The following EFCAB13 variants were observed in gnomAD, a reference collection of about 807,000 sequenced individuals.
EFCAB13 encodes EF-hand calcium binding domain 13.
EFCAB13 carries 91 observed loss-of-function variants against 110.2 expected under a neutral mutation model. The ratio of observed to expected loss-of-function variants is 0.83; its 90% CI spans 0.70 to 0.98. The LOEUF is 0.98. EFCAB13 is among the 50% of genes least tolerant of loss of function. EFCAB13 has a pLI of 0.00. For missense variants in EFCAB13, 968 were observed against 1,119.4 expected (o/e 0.86, Z 1.93); for synonymous variants, 323 against 369.9 (o/e 0.87, Z 1.45).
rs774876418 is a variant in EFCAB13, at chr17:47,335,332, G to A, written c.167G>A (p.Ser56Asn). 6.3e-7 allele frequency: 1 copy of A among 1,599,042 alleles called. No individual in the cohort carries two copies. The highest frequency in any genetic ancestry group is 1.8e-5 in the Admixed American group (1 of 56,108). ...AAGGAAATTTCACCGGAAATTAGGA[G>A]TTTGAGCCCAGAATATAAAAAAATG... ...IEKEISPEIR[S>N]LSPEYKKIFE... is the part of the protein sequence containing the mutation. The change falls in exon 5 of 25, where the codon AGT (serine) becomes AAT (asparagine). Residue 56 changes from serine to asparagine, a missense_variant. Coordinates refer to ENST00000331493, the MANE Select transcript of EFCAB13 (RefSeq NM_152347.5).
At position 47,404,545 on chromosome 17, in the gene EFCAB13, C is replaced by A. The variant is rs181970260; in HGVS notation, c.2162-17C>A. On this transcript the variant is annotated splice_polypyrimidine_tract_variant and intron_variant, in intron 19 of 24. Transcript: ENST00000331493. ...GTCTAGGGGTTCTTGTTTGTCATCT[C>A]TCTCTTTTCCTTGCAGAAGATAACA... is the stretch of plus-strand genomic sequence containing the variant. 1 of 1,606,622 alleles carries A rather than the reference C, an allele frequency of 6.2e-7. No individual in the cohort carries two copies. The highest frequency in any genetic ancestry group is 8.5e-7 in the Non-Finnish European group (1 of 1,175,450).
chr17:47,435,931 T>C (rs1281232057), intron 24 of EFCAB13, among the ~76,000 whole-genome samples: 1 of 152,190 alleles, frequency 6.6e-6, no homozygotes, highest in Non-Finnish European at 1.5e-5. Context: ...TTGTCATAGA[T>C]GGCTTTTATT....
chr17:47,424,084 C>T (rs1904835092), intron 23 of EFCAB13, among the ~76,000 whole-genome samples: 3 of 152,190 alleles, frequency 2.0e-5, no homozygotes, highest in Admixed American at 6.5e-5. Flanking sequence ...CCTCTCACCC[C>T]GGTGGATGCG....
intron 6 of EFCAB13, among the ~76,000 whole-genome samples, chr17:47,343,860 C>T (rs2065399631): frequency 1.3e-5 from 2 of 152,080 alleles, no homozygotes; most frequent in Admixed American, 1.3e-4. Flanking sequence ...TTCTTGTTCT[C>T]TCTATACCAT....
At chr17:47,404,504 CT>C in intron 19 of EFCAB13, 57 bp from the exon 20 acceptor site, 1 of 1,302,308 alleles carries the variant, frequency 7.7e-7, no homozygotes. Flanking sequence ...TGATACTAGC[CT>C]TTAAGTATTA....
rs927506324 is a variant in EFCAB13 at position 47,344,914 on chromosome 17, A to G, written c.435-102A>G. 7 of 840,158 alleles carry G rather than the reference A, an allele frequency of 8.3e-6. No homozygotes were observed. The African/African-American group carries it at 8.6e-5, about 10-fold the overall frequency. The allele number at this position is 840,158 out of a possible 1,614,324, so 52.0% of individuals were successfully genotyped here. ...CATAACTTGGACAGTTCTTCAAGAA[A>G]GGTTCTTATGAATCTCAGACTATTG... On this transcript the variant is annotated intron_variant, in intron 7 of 24. Coordinates refer to ENST00000331493, the MANE Select transcript of EFCAB13 (RefSeq NM_152347.5).
intron 24 of EFCAB13, among the ~76,000 whole-genome samples, chr17:47,432,705 G>A (rs1357662028): frequency 6.6e-6 from 1 of 151,848 alleles, no homozygotes; most frequent in Non-Finnish European, 1.5e-5. Flanking sequence ...AGCAACATTG[G>A]CTATCTTTTT....
chr17:47,413,113 C>A (rs1270403079), intron 22 of EFCAB13, among the ~76,000 whole-genome samples, 197 bp downstream of exon 22: 1 of 152,078 alleles, frequency 6.6e-6, no homozygotes, highest in South Asian at 2.1e-4. Flanking sequence ...CATATGGATA[C>A]TATATGTGCT....
intron 8 of EFCAB13, among the ~76,000 whole-genome samples, chr17:47,346,625 A>G (rs896452585): frequency 6.6e-6 from 1 of 152,134 alleles, no homozygotes; most frequent in Non-Finnish European, 1.5e-5. Context: ...GCTTTTTCAT[A>G]GAGAGTTAGT....
At chr17:47,359,141 T>G (rs937531971) in intron 9 of EFCAB13, among the ~76,000 whole-genome samples, 2 of 152,124 alleles carry the variant, frequency 1.3e-5, no homozygotes, top group African/African-American at 4.8e-5. Context: ...GAGACCAGCC[T>G]GGGCAACATG....
Position 47,363,754 on chromosome 17 carries a change from A to T in EFCAB13, c.805+2233A>T, listed in dbSNP as rs116625355. 2.9e-3 allele frequency among the ~76,000 whole-genome samples: 449 copies of T among 152,250 alleles called. 2 individuals are homozygous for T. The highest frequency in any genetic ancestry group is 0.011 in the African/African-American group (437 of 41,552). The stretch of plus-strand genomic sequence containing the variant: ...AATAATCAGACATGACATCTTTTTG[A>T]GTGGGCTTCCACTAGTTTTTGTCAT... On this transcript the variant is annotated intron_variant, in intron 10 of 24. Transcript: ENST00000331493.
chr17:47,350,782 C>T (rs942056873), intron 9 of EFCAB13, among the ~76,000 whole-genome samples: 7 of 151,972 alleles, frequency 4.6e-5, no homozygotes, highest in Admixed American at 1.3e-4. Flanking sequence ...AAAGGGTATT[C>T]GTATTAATGG....
rs138358334 is a variant in EFCAB13 at position 47,350,063 on chromosome 17, C to T, written c.661+2112C>T. On this transcript the variant is annotated intron_variant, in intron 9 of 24. Coordinates refer to ENST00000331493, the MANE Select transcript of EFCAB13 (RefSeq NM_152347.5). ...TGCTGGGATTACAGGTGTGAGCCAC[C>T]GTGCCCGGCCTGATGTTTCTTATTT... 4.9e-4 allele frequency among the ~76,000 whole-genome samples: 75 copies of T among 152,146 alleles called. 1 individual carries two copies. In the East Asian group the frequency reaches 0.011, roughly 22 times the overall value.
At chr17:47,422,541 C>T (rs1247062339) in intron 23 of EFCAB13, among the ~76,000 whole-genome samples, 1 of 152,130 alleles carries the variant, frequency 6.6e-6, no homozygotes, top group Non-Finnish European at 1.5e-5. Context: ...GCAAATTTAT[C>T]AGAGCTGCTT....
intron 10 of EFCAB13, among the ~76,000 whole-genome samples, chr17:47,364,526 T>C (rs951042896): frequency 4.6e-5 from 7 of 152,186 alleles, no homozygotes; most frequent in African/African-American, 1.7e-4. Flanking sequence ...TTGGCCAGGA[T>C]GGTCTCGATC....
chr17:47,359,834 T>C (rs2065501930), intron 9 of EFCAB13, among the ~76,000 whole-genome samples: 2 of 136,484 alleles, frequency 1.5e-5, no homozygotes, highest in Non-Finnish European at 3.1e-5. Flanking sequence ...GTCCATGTGT[T>C]CTCATTGTTC....
chr17:47,336,275 C>T (rs972560142), intron 5 of EFCAB13, among the ~76,000 whole-genome samples: 18 of 149,692 alleles, frequency 1.2e-4, no homozygotes, highest in African/African-American at 4.2e-4. Flanking sequence ...TACAGGCGTG[C>T]GCCGTCACAC....
intron 8 of EFCAB13, among the ~76,000 whole-genome samples, chr17:47,345,912 A>G (rs2143270545): frequency 6.6e-6 from 1 of 152,152 alleles, no homozygotes; most frequent in African/African-American, 2.4e-5. Flanking sequence ...ACTCTCCTCA[A>G]ATACTCAATT....
intron 9 of EFCAB13, among the ~76,000 whole-genome samples, chr17:47,354,964 GT>G (rs1159942880): frequency 6.6e-6 from 1 of 152,026 alleles, no homozygotes; most frequent in African/African-American, 2.4e-5. Flanking sequence ...TGTTTTATAG[GT>G]CCTGTGAAAT....
Sources: allele counts gnomAD v4.1 joint callset (sites outside exome capture counted in the v4.1 genomes callset), GRCh38; gene constraint gnomAD v4.1.1; transcripts MANE v1.5; gene names NCBI Gene and HGNC (gene_info 2026-07-23, HGNC 2026-07-21).